C1QTNF7: variants seen among roughly 807,000 people sequenced by gnomAD.
C1QTNF7 encodes C1q and TNF related 7, also known as complement C1q tumor necrosis factor-related protein 7.
A neutral mutation model predicts 19.6 loss-of-function variants in C1QTNF7; 15 were observed. The observed-to-expected ratio is 0.76, with a 90% CI of 0.51 to 1.18. The LOEUF is 1.18. Among genes scored for constraint, C1QTNF7 ranks in the 50% most tolerant of loss-of-function variants. The pLI, the probability that C1QTNF7 is intolerant of heterozygous loss-of-function variation, is 0.00. For missense variants in C1QTNF7, 324 were observed against 359.7 expected (o/e 0.90, Z 0.80); for synonymous variants, 142 against 137.5 (o/e 1.03, Z -0.23).
chr4:15,371,140 G>T (rs1047404818), intron 1 of C1QTNF7, among the ~76,000 whole-genome samples: 5 of 152,252 alleles, frequency 3.3e-5, no homozygotes, highest in Non-Finnish European at 5.9e-5. Flanking sequence ...AGAGGGCCAG[G>T]CTGTGCTGCC....
chr4:15,390,920 C>T (rs1294783555), intron 1 of C1QTNF7, among the ~76,000 whole-genome samples: 1 of 152,116 alleles, frequency 6.6e-6, no homozygotes, highest in Non-Finnish European at 1.5e-5. Flanking sequence ...AGCCATAGTT[C>T]CTGCCACCTC....
At chr4:15,351,945 A>G (rs1398163564) in intron 1 of C1QTNF7, among the ~76,000 whole-genome samples, 1 of 152,188 alleles carries the variant, frequency 6.6e-6, no homozygotes, top group East Asian at 1.9e-4. Flanking sequence ...GGAGAAAGGG[A>G]GATAGCTTGA....
chr4:15,415,995 T>G (rs1719591733), intron 1 of C1QTNF7, among the ~76,000 whole-genome samples: 1 of 152,204 alleles, frequency 6.6e-6, no homozygotes, highest in Non-Finnish European at 1.5e-5. Flanking sequence ...TTAACAGTGT[T>G]GTACATAGAG....
chr4:15,425,923 T>C (rs143943871), upstream of C1QTNF7, among the ~76,000 whole-genome samples: 222 of 152,332 alleles, frequency 1.5e-3, 2 homozygotes, highest in Non-Finnish European at 2.4e-3. Flanking sequence ...TCTACAATTC[T>C]ACATTCTATA....
intron 1 of C1QTNF7, among the ~76,000 whole-genome samples, chr4:15,432,154 A>G (rs2108935619): frequency 6.6e-6 from 1 of 152,284 alleles, no homozygotes; most frequent in African/African-American, 2.4e-5. Flanking sequence ...GGAGCTGACA[A>G]TGTGAGGAGA....
At chr4:15,420,899 A>G (rs1351833601) in intron 1 of C1QTNF7, among the ~76,000 whole-genome samples, 1 of 124,386 alleles carries the variant, frequency 8.0e-6, no homozygotes, top group African/African-American at 3.2e-5. Flanking sequence ...ACACTGAGTC[A>G]TTGTTGGATT....
intron 1 of C1QTNF7, among the ~76,000 whole-genome samples, chr4:15,415,132 A>G (rs1018319256): frequency 1.3e-5 from 2 of 152,206 alleles, no homozygotes; most frequent in African/African-American, 4.8e-5. Flanking sequence ...CCATTCCCAA[A>G]TGTCTAAAAT....
At chr4:15,390,567 A>G (rs1361522411) in intron 1 of C1QTNF7, among the ~76,000 whole-genome samples, 1 of 152,230 alleles carries the variant, frequency 6.6e-6, no homozygotes, top group Admixed American at 6.5e-5. Flanking sequence ...TGCATTTCAG[A>G]AAGATCAGAT....
In C1QTNF7 at chr4:15,442,995, GC is replaced by G. The variant is rs1263521627; in HGVS notation, c.*200del. 1 of 464,650 alleles carries G rather than the reference GC, an allele frequency of 2.2e-6. No homozygotes were observed. Among genetic ancestry groups the G allele is most frequent in the Non-Finnish European group, 3.7e-6 (1 of 273,476 alleles). The allele number at this position is 464,650 out of a possible 1,614,324, so 28.8% of individuals were successfully genotyped here. A position where few individuals can be genotyped will look rare whatever the true frequency, so the allele number is the denominator to read the frequency against. Reference sequence around the variant, plus strand: ...ACAAAATGAATTCTATTAAAGAATAGCCCCAGATATAAATTCTCTTGAAAGC... The same window carrying G: ...ACAAAATGAATTCTATTAAAGAATAGCCCAGATATAAATTCTCTTGAAAGC... On this transcript the variant is annotated 3_prime_UTR_variant, in exon 3 of 3. Coordinates refer to ENST00000444304, the MANE Select transcript of C1QTNF7 (RefSeq NM_031911.5).
chr4:15,341,875 A>T (rs543532163), intron 1 of C1QTNF7, among the ~76,000 whole-genome samples: 2 of 152,220 alleles, frequency 1.3e-5, no homozygotes, highest in Non-Finnish European at 2.9e-5. Context: ...AGAGAAATGC[A>T]CAGTGTGGCA....
intron 1 of C1QTNF7, chr4:15,340,243 TC>T: frequency 6.5e-7 from 1 of 1,550,278 alleles, no homozygotes; most frequent in Non-Finnish European, 8.7e-7. Flanking sequence ...TTTCTCTTTT[TC>T]CCTCCTATTC....
intron 1 of C1QTNF7, among the ~76,000 whole-genome samples, chr4:15,401,778 A>G (rs1719005748): frequency 6.6e-6 from 1 of 152,220 alleles, no homozygotes. Flanking sequence ...TAAAACAATT[A>G]TAGACATGAA....
intron 1 of C1QTNF7, among the ~76,000 whole-genome samples, chr4:15,351,376 A>T (rs1232900500): frequency 6.6e-6 from 1 of 152,130 alleles, no homozygotes; most frequent in Non-Finnish European, 1.5e-5. Flanking sequence ...AACAACTAAA[A>T]CTGTATGTTG....
At chr4:15,393,505 T>C (rs1218067687) in intron 1 of C1QTNF7, among the ~76,000 whole-genome samples, 2 of 152,146 alleles carry the variant, frequency 1.3e-5, no homozygotes, top group Non-Finnish European at 2.9e-5. Flanking sequence ...TGGGATCACA[T>C]TAAAACGCAG....
At chr4:15,393,199 A>ATG (rs1718647001) in intron 1 of C1QTNF7, among the ~76,000 whole-genome samples, 2 of 152,130 alleles carry the variant, frequency 1.3e-5, no homozygotes, top group African/African-American at 4.8e-5. Context: ...TTTGCCTTCC[A>ATG]CCATGATTGT....
intron 1 of C1QTNF7, among the ~76,000 whole-genome samples, chr4:15,347,752 A>T (rs1560336577): frequency 6.6e-6 from 1 of 152,206 alleles, no homozygotes; most frequent in Admixed American, 6.5e-5. Context: ...CCCAGAGTAC[A>T]TGGAACTATT....
At chr4:15,437,275 T>C (rs28667174) in intron 2 of C1QTNF7, among the ~76,000 whole-genome samples, 12,485 of 151,938 alleles carry the variant, frequency 0.082, 1,693 homozygotes, top group African/African-American at 0.28. Flanking sequence ...GCTCTTTCAG[T>C]TACTAATCTA....
intron 1 of C1QTNF7, among the ~76,000 whole-genome samples, chr4:15,370,530 A>G (rs1343980385): frequency 6.6e-6 from 1 of 151,276 alleles, no homozygotes; most frequent in Non-Finnish European, 1.5e-5. Flanking sequence ...CTGTTCCCTC[A>G]GAGAGAGAGA....
At chr4:15,360,233 G>A (rs1207610237) in intron 1 of C1QTNF7, among the ~76,000 whole-genome samples, 1 of 152,002 alleles carries the variant, frequency 6.6e-6, no homozygotes, top group Non-Finnish European at 1.5e-5. Flanking sequence ...CTAACCCATC[G>A]ATCTTTTAAA....
Sources: allele counts gnomAD v4.1 joint callset (sites outside exome capture counted in the v4.1 genomes callset), GRCh38; gene constraint gnomAD v4.1.1; transcripts MANE v1.5; gene names NCBI Gene and HGNC (gene_info 2026-07-23, HGNC 2026-07-21).